Variants in PPM1E observed in about 807,000 individuals in gnomAD.
PPM1E encodes the protein protein phosphatase 1E.
A neutral mutation model predicts 65.9 loss-of-function variants in PPM1E; 20 were observed. The ratio of observed to expected loss-of-function variants is 0.30; its 90% CI spans 0.21 to 0.44. The LOEUF is 0.44. PPM1E is among the 20% of genes least tolerant of loss of function. PPM1E has a pLI of 1.00. For missense variants in PPM1E, 713 were observed against 953.1 expected (o/e 0.75, Z 3.32); for synonymous variants, 352 against 374.9 (o/e 0.94, Z 0.70).
At chr17:58,792,400 G>A (rs922945726) in intron 1 of PPM1E, among the ~76,000 whole-genome samples, 5 of 151,766 alleles carry the variant, frequency 3.3e-5, no homozygotes, top group Admixed American at 6.6e-5. Context: ...GAGTGCAATG[G>A]TGTGATCTTG....
At chr17:58,827,901 C>CA (rs59217561) in intron 1 of PPM1E, among the ~76,000 whole-genome samples, 34,925 of 112,654 alleles carry the variant, frequency 0.31, 6,153 homozygotes, top group African/African-American at 0.43. Context: ...GACTCCATCT[C>CA]AAAAAAAAAA....
intron 1 of PPM1E, among the ~76,000 whole-genome samples, chr17:58,809,430 T>C (rs1341773676): frequency 6.6e-6 from 1 of 152,136 alleles, no homozygotes; most frequent in African/African-American, 2.4e-5. Context: ...TCTTACTGTG[T>C]TGCCCAGGTG....
rs527236681 is a variant in PPM1E at position 58,828,026 on chromosome 17, T to C, written c.464+71565T>C. On this transcript the variant is annotated intron_variant, in intron 1 of 6. Coordinates refer to ENST00000308249, the MANE Select transcript of PPM1E (RefSeq NM_014906.5). ...CCGAGGTCAGGAGTTCGAGACCAGC[T>C]TGGCCAACATGGTGAAACCCCGTGT... Among the ~76,000 whole-genome samples the C allele has an allele frequency of 1.4e-4, 21 of 150,206 alleles. No homozygotes were observed. The South Asian group carries it at 3.0e-3, about 21-fold the overall frequency.
At position 58,980,633 on chromosome 17, in the gene PPM1E, GGA is replaced by G; in HGVS notation, c.1874_1875del (p.Glu625ValfsTer30). On this transcript the variant is annotated frameshift_variant, in exon 7 of 7. Transcript: ENST00000308249. LOFTEE classifies it high-confidence loss of function. The surrounding 1 kb of genome is among the most constrained non-coding windows in gnomAD (Gnocchi z 4.7). ...QSSLPEWSGA[G>X]EFPTAFNLGS... is the part of the protein sequence containing the mutation. The stretch of plus-strand genomic sequence containing the variant: ...ATCATTGCCTGAATGGAGTGGTGCT[GGA>G]GAGTTTCCCACTGCTTTCAATTTGG... 1 of 1,614,174 alleles carries G rather than the reference GGA, an allele frequency of 6.2e-7. No individual in the cohort carries two copies. The highest frequency in any genetic ancestry group is 8.5e-7 in the Non-Finnish European group (1 of 1,180,030).
chr17:58,949,592 C>A lies in PPM1E; in HGVS notation c.465-6057C>A, dbSNP rs765961873. 7.8e-4 allele frequency among the ~76,000 whole-genome samples: 118 copies of A among 151,988 alleles called. 1 individual carries two copies. Among genetic ancestry groups the A allele is most frequent in the Non-Finnish European group, 2.8e-4 (19 of 68,006 alleles). On this transcript the variant is annotated intron_variant, in intron 1 of 6. Transcript: ENST00000308249. ...ACTGTTTTCTGAGTATTTTGTGTAA[C>A]CTTTGTTCCTTCCCCTCCTATTATT...
chr17:58,766,196 GTT>G (rs10604459), intron 1 of PPM1E, among the ~76,000 whole-genome samples: 5,814 of 64,478 alleles, frequency 0.09, 106 homozygotes, highest in East Asian at 0.24. Context: ...TGTAATTTCT[GTT>G]TTTTTTTTTT....
chr17:58,756,081 C>T lies in PPM1E; in HGVS notation c.84C>T (p.Gly28=), dbSNP rs751395071. The change falls in exon 1 of 7, where the codon GGC becomes GGT. Residue 28 remains glycine (G), a synonymous_variant. Coordinates refer to ENST00000308249, the MANE Select transcript of PPM1E (RefSeq NM_014906.5). The part of the protein sequence containing the change: ...FLGEFRGPCG[G]GEPEPEPEPE... ...GCGAGTTTCGCGGACCGTGCGGCGGCGGCGAGCCGGAGCCGGAACCCGAAC... is the reference window on the plus strand; with the variant it reads ...GCGAGTTTCGCGGACCGTGCGGCGGTGGCGAGCCGGAGCCGGAACCCGAAC... 1 of 1,608,332 alleles carries T rather than the reference C, an allele frequency of 6.2e-7. No individual in the cohort carries two copies. The highest frequency in any genetic ancestry group is 1.7e-5 in the Admixed American group (1 of 59,472).
intron 1 of PPM1E, among the ~76,000 whole-genome samples, chr17:58,824,821 G>T (rs567396186): frequency 6.6e-6 from 1 of 151,130 alleles, no homozygotes; most frequent in Admixed American, 6.6e-5. Context: ...TGTTAGCCAG[G>T]ATGGTCTCAA....
At chr17:58,963,280 G>A (rs1182108) in intron 2 of PPM1E, among the ~76,000 whole-genome samples, 11 of 151,692 alleles carry the variant, frequency 7.3e-5, no homozygotes, top group Non-Finnish European at 1.2e-4. Context: ...CCAGCTACTC[G>A]GGAGGCTGAG....
intron 1 of PPM1E, among the ~76,000 whole-genome samples, chr17:58,890,869 C>CT (rs1158428487): frequency 6.6e-6 from 1 of 152,112 alleles, no homozygotes; most frequent in African/African-American, 2.4e-5. Flanking sequence ...TACCAGGATT[C>CT]TTTAAACTGT....
chr17:58,936,933 T>C (rs774858986), intron 1 of PPM1E, among the ~76,000 whole-genome samples: 56 of 152,172 alleles, frequency 3.7e-4, no homozygotes, highest in Non-Finnish European at 5.7e-4. Context: ...TCTGACTCCT[T>C]TCCTATTCTC....
chr17:58,968,444 A>G (rs2030394998), intron 3 of PPM1E, among the ~76,000 whole-genome samples: 1 of 152,174 alleles, frequency 6.6e-6, no homozygotes, highest in Non-Finnish European at 1.5e-5. Flanking sequence ...ATAAATAAAA[A>G]GAACTTTTTC....
At chr17:58,969,039 T>A (rs113105797) in intron 3 of PPM1E, among the ~76,000 whole-genome samples, 1 of 152,246 alleles carries the variant, frequency 6.6e-6, no homozygotes, top group African/African-American at 2.4e-5. Flanking sequence ...TGCTTTCATA[T>A]CTTTATATAT....
chr17:58,887,117 G>A (rs2051275305), intron 1 of PPM1E, among the ~76,000 whole-genome samples: 1 of 151,414 alleles, frequency 6.6e-6, no homozygotes, highest in Admixed American at 6.6e-5. Context: ...TAATTTATTG[G>A]GATTTAGGTT....
At chr17:58,817,923 T>C (rs544086751) in intron 1 of PPM1E, among the ~76,000 whole-genome samples, 1 of 152,208 alleles carries the variant, frequency 6.6e-6, no homozygotes, top group South Asian at 2.1e-4. Context: ...GGTTAATTTT[T>C]TGTATTTTTA....
intron 1 of PPM1E, among the ~76,000 whole-genome samples, chr17:58,827,628 C>T (rs1025363649): frequency 1.3e-4 from 19 of 151,400 alleles, no homozygotes; most frequent in African/African-American, 3.4e-4. Context: ...CAGGGCTGGG[C>T]GCGGTGGCTT....
intron 1 of PPM1E, among the ~76,000 whole-genome samples, chr17:58,884,732 T>A (rs557023529): frequency 6.6e-6 from 1 of 152,258 alleles, no homozygotes; most frequent in African/African-American, 2.4e-5. Context: ...ACATTCCTAT[T>A]TTCCTCATCT....
intron 1 of PPM1E, among the ~76,000 whole-genome samples, chr17:58,899,137 C>T (rs780492889): frequency 1.3e-5 from 2 of 151,316 alleles, no homozygotes; most frequent in African/African-American, 2.4e-5. Context: ...TGCACATGTA[C>T]CCCAGAACTT....
At chr17:58,778,300 A>G (rs186884182) in intron 1 of PPM1E, among the ~76,000 whole-genome samples, 2 of 150,802 alleles carry the variant, frequency 1.3e-5, no homozygotes, top group African/African-American at 4.9e-5. Context: ...GGGTTTCACC[A>G]TGTTGGCCAG....
Sources: allele counts gnomAD v4.1 joint callset (sites outside exome capture counted in the v4.1 genomes callset), GRCh38; gene constraint gnomAD v4.1.1; non-coding constraint Gnocchi (gnomAD v3.1); transcripts MANE v1.5; gene names NCBI Gene and HGNC (gene_info 2026-07-23, HGNC 2026-07-21).